ANKRD29: variants seen among roughly 807,000 people sequenced by gnomAD.
The protein encoded by ANKRD29 is ankyrin repeat domain 29.
ANKRD29 carries 32 observed loss-of-function variants against 38.0 expected under a neutral mutation model. That is an observed-to-expected ratio of 0.84 (90% CI 0.64 to 1.13). ANKRD29 has a LOEUF of 1.13. Ranked by LOEUF, ANKRD29 falls within the 50% of genes most tolerant of loss-of-function variation. The pLI, the probability that ANKRD29 is intolerant of heterozygous loss-of-function variation, is 0.00. For missense variants in ANKRD29, 357 were observed against 377.9 expected, an observed-to-expected ratio of 0.94 and a Z score of 0.46; for synonymous variants, 135 against 152.4, an observed-to-expected ratio of 0.89 and a Z score of 0.84.
chr18:23,628,307 T>A (rs1233546683), intron 6 of ANKRD29, among the ~76,000 whole-genome samples: 1 of 152,188 alleles, frequency 6.6e-6, no homozygotes, highest in African/African-American at 2.4e-5. Flanking sequence ...AGGCTCTTTA[T>A]TTTTCTCAGG....
At chr18:23,646,439 T>C (rs960495353) in intron 2 of ANKRD29, 152 bp from the exon 3 acceptor site, 2 of 558,910 alleles carry the variant, frequency 3.6e-6, no homozygotes, top group Non-Finnish European at 6.2e-6. Context: ...AATAATCTCA[T>C]CATGCAGCCT....
chr18:23,633,442 G>A (rs1007303189), intron 5 of ANKRD29, among the ~76,000 whole-genome samples: 1 of 152,168 alleles, frequency 6.6e-6, no homozygotes, highest in Admixed American at 6.5e-5. Context: ...GCTGGGCTTT[G>A]TAGTTTGTCA....
At chr18:23,646,395 G>T in intron 2 of ANKRD29, 108 bp from the exon 3 acceptor site, 2 of 862,946 alleles carry the variant, frequency 2.3e-6, no homozygotes, top group South Asian at 1.7e-5. Flanking sequence ...CACATCCAAG[G>T]GCAAAATTCC....
At chr18:23,641,722 C>A (rs1186894101) in intron 3 of ANKRD29, among the ~76,000 whole-genome samples, 1 of 152,218 alleles carries the variant, frequency 6.6e-6, no homozygotes, top group Non-Finnish European at 1.5e-5. Flanking sequence ...CCTTTCTGAG[C>A]CCATAAAAAC....
At chr18:23,611,628 T>G (rs2059642647) in intron 9 of ANKRD29, among the ~76,000 whole-genome samples, 1 of 152,048 alleles carries the variant, frequency 6.6e-6, no homozygotes, top group Non-Finnish European at 1.5e-5. Context: ...GAGGTTGCAG[T>G]GAGCCAAGAT....
In ANKRD29 at chr18:23,634,132, C is replaced by T. The variant is rs746469438; in HGVS notation, c.348G>A (p.Leu116=). 16 of 1,614,086 alleles carry T rather than the reference C, an allele frequency of 9.9e-6. No individual in the cohort carries two copies. The South Asian group carries it at 1.4e-4, about 14-fold the overall frequency. ...TGTGCCCGTACTGACTGGCAGCCAA[C>T]AGGGCGGTGCCCCCGTCCTATGGAC... ...EFRTKDGGTA[L]LAASQYGHMQ... The change falls in exon 5 of 10, where the codon CTG becomes CTA. Residue 116 remains leucine (L), a synonymous_variant. Transcript: ENST00000592179.
Position 23,619,446 on chromosome 18 carries a change from GGCT to G in ANKRD29, c.627+82_627+84del, listed in dbSNP as rs1279267144. 24 of 1,296,152 alleles carry G rather than the reference GGCT, an allele frequency of 1.9e-5. No individual in the cohort carries two copies. The African/African-American group carries it at 3.2e-4, about 17-fold the overall frequency. The allele number at this position is 1,296,152 out of a possible 1,614,324, so 80.3% of individuals were successfully genotyped here. ...AGGAGGTTGGGAGGAAACCCATGTG[GGCT>G]GCAGACTCAGTCAAGACCCGTTTTC... On this transcript the variant is annotated intron_variant, in intron 7 of 9. Transcript: ENST00000592179.
intron 4 of ANKRD29, among the ~76,000 whole-genome samples, chr18:23,635,246 G>A (rs967047108): frequency 1.3e-5 from 2 of 151,144 alleles, no homozygotes; most frequent in African/African-American, 2.4e-5. Flanking sequence ...CCCAGCATGG[G>A]TGACAGAGCG....
chr18:23,617,202 G>C (rs2059734872), intron 8 of ANKRD29, among the ~76,000 whole-genome samples: 1 of 152,144 alleles, frequency 6.6e-6, no homozygotes, highest in Non-Finnish European at 1.5e-5. Flanking sequence ...GGGCTACAAA[G>C]GGAGACTCCA....
chr18:23,601,166 C>T lies in ANKRD29; in HGVS notation c.*60G>A. The T allele has an allele frequency of 4.1e-6, 6 of 1,469,892 alleles. No individual in the cohort carries two copies. The highest frequency in any genetic ancestry group is 5.7e-6 in the Non-Finnish European group (6 of 1,061,092). 91.1% of individuals were successfully genotyped at this position (1,469,892 alleles called of 1,614,324 possible). Reference sequence around the variant, plus strand: ...AGAATTTCCAACACTGCTTGAAATGCAATTTCTTTTTGGACAATGTGGTTA... The same window carrying T: ...AGAATTTCCAACACTGCTTGAAATGTAATTTCTTTTTGGACAATGTGGTTA... On this transcript the variant is annotated 3_prime_UTR_variant, in exon 10 of 10. Transcript: ENST00000592179.
chr18:23,660,043 A>G (rs1000914214), intron 1 of ANKRD29, among the ~76,000 whole-genome samples: 4 of 152,172 alleles, frequency 2.6e-5, no homozygotes, highest in African/African-American at 7.2e-5. Flanking sequence ...CCCGGGAGGC[A>G]GAAGTTGCAG....
intron 6 of ANKRD29, 109 bp downstream of exon 6, chr18:23,629,744 A>G (rs2059905492): frequency 1.2e-6 from 1 of 801,980 alleles, no homozygotes; most frequent in South Asian, 1.6e-5. Flanking sequence ...AAGGGTTTAA[A>G]GGATGCCTTG....
intron 1 of ANKRD29, chr18:23,649,492 T>C (rs2060183870): frequency 1.6e-6 from 1 of 608,804 alleles, no homozygotes; most frequent in Admixed American, 2.1e-5. Flanking sequence ...TCACCCAGTT[T>C]CCTTTTTGCT....
intron 8 of ANKRD29, among the ~76,000 whole-genome samples, chr18:23,614,636 C>G (rs1435342703): frequency 6.7e-6 from 1 of 149,900 alleles, no homozygotes; most frequent in Non-Finnish European, 1.5e-5. Context: ...AAGGTCAAGA[C>G]CAGCCTGGGC....
intron 9 of ANKRD29, among the ~76,000 whole-genome samples, chr18:23,611,051 G>C (rs955597303): frequency 6.6e-6 from 1 of 152,248 alleles, no homozygotes; most frequent in Non-Finnish European, 1.5e-5. Context: ...AGCTTAAGCA[G>C]ATGTTGAAGA....
chr18:23,623,638 G>A (rs937686833), intron 6 of ANKRD29, among the ~76,000 whole-genome samples: 4 of 151,464 alleles, frequency 2.6e-5, no homozygotes, highest in Non-Finnish European at 5.9e-5. Flanking sequence ...AAAGAACAAT[G>A]ATTTCATATG....
chr18:23,660,873 G>T (rs1026770385), intron 1 of ANKRD29, among the ~76,000 whole-genome samples: 1 of 152,200 alleles, frequency 6.6e-6, no homozygotes, highest in African/African-American at 2.4e-5. Context: ...CTCCACACTT[G>T]TGGATTCTAC....
chr18:23,654,390 T>C (rs1388656706), intron 1 of ANKRD29, among the ~76,000 whole-genome samples: 1 of 151,638 alleles, frequency 6.6e-6, no homozygotes, highest in Admixed American at 6.6e-5. Context: ...GAGGCTGAGG[T>C]AGGCAGATCA....
chr18:23,619,071 C>T (rs2059759277), intron 7 of ANKRD29, among the ~76,000 whole-genome samples: 2 of 152,226 alleles, frequency 1.3e-5, no homozygotes, highest in African/African-American at 2.4e-5. Context: ...CTGTGCAGCA[C>T]ACAAAGGCAG....
Sources: allele counts gnomAD v4.1 joint callset (sites outside exome capture counted in the v4.1 genomes callset), GRCh38; gene constraint gnomAD v4.1.1; transcripts MANE v1.5; gene names NCBI Gene and HGNC (gene_info 2026-07-23, HGNC 2026-07-21).